Variants in DYNC2H1 observed in about 807,000 individuals in gnomAD.
DYNC2H1 encodes the protein cytoplasmic dynein 2 heavy chain 1.
In DYNC2H1, 410 loss-of-function variants were observed where a neutral mutation model predicts 570.0. The ratio of observed to expected loss-of-function variants is 0.72; its 90% confidence interval spans 0.66 to 0.78. The LOEUF (loss-of-function observed/expected upper bound fraction) is 0.78, where lower values mean the gene tolerates loss of function less well. Ranked by LOEUF, DYNC2H1 falls within the 30% of genes least tolerant of loss-of-function variation. DYNC2H1 has a pLI of 0.00. For synonymous variants in DYNC2H1, 1,688 were observed against 1,677.6 expected, an observed-to-expected ratio of 1.01 and a Z score of -0.15; for missense variants, 4,865 against 5,046.4, an observed-to-expected ratio of 0.96 and a Z score of 1.09.
chr11:103,396,655 CACAA>C (rs1942409418), intron 83 of DYNC2H1, among the ~76,000 whole-genome samples: 1 of 152,166 alleles, frequency 6.6e-6, no homozygotes, highest in Admixed American at 6.5e-5. Flanking sequence ...TCAGTTAAAA[CACAA>C]ACAACCTGGT....
intron 45 of DYNC2H1, among the ~76,000 whole-genome samples, chr11:103,190,944 A>G (rs1862277860): frequency 6.9e-6 from 1 of 144,796 alleles, no homozygotes; most frequent in South Asian, 2.2e-4. Flanking sequence ...TCTTCTGTTC[A>G]GCAGGGCTTT....
rs778374973 is a variant in DYNC2H1, at chr11:103,324,009, C to T, written c.12039+19C>T. Reference sequence around the variant, plus strand: ...TTCTCAGGTAACCTAAAAAAAAGATCTACCTTCAAAAAAAGTTGCTAGTGA... The same window carrying T: ...TTCTCAGGTAACCTAAAAAAAAGATTTACCTTCAAAAAAAGTTGCTAGTGA... On this transcript the variant is annotated intron_variant, in intron 82 of 88. Transcript: ENST00000375735. This position sits in a 1 kb window ranked among gnomAD's most constrained non-coding sequence, Gnocchi z 5.2. 6.3e-5 allele frequency: 99 copies of T among 1,566,404 alleles called. 1 individual carries two copies. In the South Asian group the frequency reaches 1.2e-3, roughly 19 times the overall value.
intron 12 of DYNC2H1, among the ~76,000 whole-genome samples, chr11:103,125,967 T>C (rs909049666): frequency 6.6e-6 from 1 of 152,214 alleles, no homozygotes; most frequent in African/African-American, 2.4e-5. Context: ...ACTTTCTCTG[T>C]TGTGTCTTTC....
intron 80 of DYNC2H1, among the ~76,000 whole-genome samples, chr11:103,320,009 A>G (rs757726856): frequency 6.6e-6 from 1 of 152,228 alleles, no homozygotes; most frequent in Non-Finnish European, 1.5e-5. Context: ...AATTTTTGTC[A>G]TATCTCTAAA....
In DYNC2H1 at chr11:103,399,001, T is replaced by C. The variant is rs1269820720; in HGVS notation, c.12157-662T>C. Among the ~76,000 whole-genome samples the C allele has an allele frequency of 3.3e-5, 5 of 152,190 alleles. No individual in the cohort carries two copies. In the East Asian group the frequency reaches 5.8e-4, roughly 18 times the overall value. On this transcript the variant is annotated intron_variant, in intron 83 of 88. Transcript: ENST00000375735. ...ATGATCTCTTCTGCTCTCTTTGTAG[T>C]GGTCGAGTAGTATTGCAGTTGTTCT...
chr11:103,388,816 C>T (rs1302152589), intron 83 of DYNC2H1, among the ~76,000 whole-genome samples: 1 of 152,080 alleles, frequency 6.6e-6, no homozygotes. Context: ...TATTGATTTG[C>T]GTATGTTGTA....
chr11:103,380,711 G>A (rs534636115), intron 83 of DYNC2H1, among the ~76,000 whole-genome samples: 9 of 152,186 alleles, frequency 5.9e-5, no homozygotes, highest in Non-Finnish European at 8.8e-5. Context: ...ACAGGTGCAC[G>A]GCACCAGCCT....
intron 80 of DYNC2H1, among the ~76,000 whole-genome samples, chr11:103,320,140 A>G: frequency 6.6e-6 from 1 of 152,224 alleles, no homozygotes; most frequent in East Asian, 1.9e-4. Context: ...CTTACATTTT[A>G]ACATTACCAC....
chr11:103,367,777 CCA>C (rs1022800382), intron 83 of DYNC2H1, among the ~76,000 whole-genome samples: 18 of 152,104 alleles, frequency 1.2e-4, no homozygotes, highest in African/African-American at 4.3e-4. Flanking sequence ...TGTATCCCCT[CCA>C]CAGTTTCTAG....
chr11:103,190,530 A>G (rs929013098), intron 45 of DYNC2H1, among the ~76,000 whole-genome samples: 2 of 152,192 alleles, frequency 1.3e-5, no homozygotes, highest in Admixed American at 1.3e-4. Context: ...TTGAAAAATT[A>G]ATAGAAATTC....
intron 75 of DYNC2H1, among the ~76,000 whole-genome samples, chr11:103,301,558 A>G (rs1045836164): frequency 6.6e-5 from 10 of 151,950 alleles, no homozygotes; most frequent in African/African-American, 2.4e-4. Flanking sequence ...TAGCAATTTA[A>G]ACTTAGTTAA....
intron 65 of DYNC2H1, among the ~76,000 whole-genome samples, chr11:103,247,472 A>G (rs1864662791): frequency 6.6e-6 from 1 of 152,082 alleles, no homozygotes; most frequent in South Asian, 2.1e-4. Context: ...TGGCCCGAAG[A>G]CTGGTAGATC....
At chr11:103,124,982 G>T (rs966885126) in intron 11 of DYNC2H1, 118 bp from the exon 12 acceptor site, 2 of 695,004 alleles carry the variant, frequency 2.9e-6, no homozygotes, top group African/African-American at 1.9e-5. Context: ...TAATTAAAAA[G>T]TTTTTTTTTA....
intron 82 of DYNC2H1, among the ~76,000 whole-genome samples, chr11:103,345,890 TA>T (rs1488723023): frequency 6.6e-6 from 1 of 152,208 alleles, no homozygotes; most frequent in Non-Finnish European, 1.5e-5. Flanking sequence ...AGGCAATTGT[TA>T]TTAATAAAAT....
At chr11:103,169,554 C>A (rs996555143) in intron 32 of DYNC2H1, among the ~76,000 whole-genome samples, 1 of 152,004 alleles carries the variant, frequency 6.6e-6, no homozygotes, top group Non-Finnish European at 1.5e-5. Context: ...TATTTGGGAC[C>A]CAAATCTATC....
chr11:103,307,877 C>T (rs1277928414), intron 78 of DYNC2H1, 46 bp downstream of exon 78: 3 of 1,145,516 alleles, frequency 2.6e-6, no homozygotes, highest in Admixed American at 4.3e-5. Flanking sequence ...GAAAGCAGTA[C>T]TCTATACATG....
At chr11:103,197,257 T>C (rs185279322) in intron 47 of DYNC2H1, among the ~76,000 whole-genome samples, 1 of 152,142 alleles carries the variant, frequency 6.6e-6, no homozygotes, top group Non-Finnish European at 1.5e-5. Context: ...AAATTTTATG[T>C]AGATTCTGAA....
chr11:103,303,241 G>A lies in DYNC2H1; in HGVS notation c.11244G>A (p.Glu3748=), dbSNP rs767454346. 4.3e-6 allele frequency: 7 copies of A among 1,612,062 alleles called. No homozygotes were observed. Among genetic ancestry groups the A allele is most frequent in the Non-Finnish European group, 5.9e-6 (7 of 1,178,668 alleles). The change falls in exon 76 of 89, where the codon GAG becomes GAA. Residue 3748 remains glutamate (E), a synonymous_variant. Coordinates refer to ENST00000375735, the MANE Select transcript of DYNC2H1 (RefSeq NM_001377.3). The part of the protein sequence containing the change: ...QELANAERSG[E]CYHQVAMGQG... ...TAGCTAATGCTGAAAGAAGCGGAGA[G>A]TGTTATCACCAGGTAAGTACATATT...
intron 85 of DYNC2H1, among the ~76,000 whole-genome samples, chr11:103,441,341 G>T (rs369794713): frequency 7.2e-6 from 1 of 138,306 alleles, no homozygotes; most frequent in East Asian, 2.2e-4. Flanking sequence ...ATCCTGTTTC[G>T]AATGTAACCC....
Sources: gnomAD v4.1 joint callset for allele counts (sites outside exome capture counted in the v4.1 genomes callset) on GRCh38, gnomAD v4.1.1 for gene constraint, Gnocchi (gnomAD v3.1) non-coding constraint, MANE v1.5 for transcripts, NCBI Gene and HGNC (gene_info 2026-07-23, HGNC 2026-07-21) for gene names.